Variants in TEKTL1 observed in about 807,000 individuals in gnomAD.
The protein encoded by TEKTL1 is tektin like 1, also known as tektin-like protein 1.
chr19:15,013,618 ATC>A, the TEKTL1 span: 2 of 1,354,776 alleles, frequency 1.5e-6, no homozygotes, highest in Non-Finnish European at 2.1e-6. Context: ...GGAAAGAGGA[ATC>A]TCTTCCCAGC....
chr19:15,016,313 C>G, the TEKTL1 span, among the ~76,000 whole-genome samples: 4 of 151,770 alleles, frequency 2.6e-5, no homozygotes, highest in Non-Finnish European at 1.5e-5. Flanking sequence ...CCTCAGCCTC[C>G]CGAGTAGCTG....
chr19:15,019,270 A>G, the TEKTL1 span, among the ~76,000 whole-genome samples: 235 of 152,252 alleles, frequency 1.5e-3, no homozygotes, highest in Non-Finnish European at 2.7e-3. Flanking sequence ...ATTTTTTCAC[A>G]GTGTGTTTAT....
At chr19:15,020,879 C>CTTT in the TEKTL1 span, among the ~76,000 whole-genome samples, 1,753 of 144,820 alleles carry the variant, frequency 0.012, 11 homozygotes, top group Middle Eastern at 0.025. Context: ...ACAGGCTCTG[C>CTTT]TTTTTTTTTT....
the TEKTL1 span, among the ~76,000 whole-genome samples, chr19:15,016,427 A>AC: frequency 0.76 from 115,804 of 151,724 alleles, 44,307 homozygotes; most frequent in Admixed American, 0.8. Flanking sequence ...TGACCTCGTG[A>AC]CCACCTGCCT....
chr19:15,012,773 G>A, the TEKTL1 span, among the ~76,000 whole-genome samples: 1 of 151,892 alleles, frequency 6.6e-6, no homozygotes, highest in South Asian at 2.1e-4. Context: ...ACAGCCCTCA[G>A]CCCAGGCATA....
chr19:15,016,753 C>T, the TEKTL1 span, among the ~76,000 whole-genome samples: 1 of 152,186 alleles, frequency 6.6e-6, no homozygotes, highest in African/African-American at 2.4e-5. Context: ...GCCTTGTGTG[C>T]TGTGCAGTTT....
chr19:15,016,530 C>T, the TEKTL1 span, among the ~76,000 whole-genome samples: 5 of 152,180 alleles, frequency 3.3e-5, no homozygotes, highest in African/African-American at 9.7e-5. Context: ...CCACCTGGCA[C>T]ATCGCCTGGC....
At chr19:15,015,720 G>A in the TEKTL1 span, among the ~76,000 whole-genome samples, 1 of 148,276 alleles carries the variant, frequency 6.7e-6, no homozygotes, top group Non-Finnish European at 1.5e-5. Flanking sequence ...GAAGGAAGGA[G>A]GGAAGGAACA....
chr19:15,022,826 T>A, the TEKTL1 span: 1 of 1,533,004 alleles, frequency 6.5e-7, no homozygotes, highest in Non-Finnish European at 8.8e-7. Context: ...CCACGCCAGG[T>A]AGCCATCTGC....
At chr19:15,020,567 G>A in the TEKTL1 span, 16 of 1,613,912 alleles carry the variant, frequency 9.9e-6, no homozygotes, top group East Asian at 1.1e-4. Context: ...CAGGCCAGAC[G>A]CCACTCATGG....
chr19:15,012,150 A>G, the TEKTL1 span, among the ~76,000 whole-genome samples: 1 of 152,048 alleles, frequency 6.6e-6, no homozygotes, highest in Middle Eastern at 3.4e-3. Context: ...GGTCCCAGCT[A>G]CTTGGAGGCT....
chr19:15,015,894 C>T, the TEKTL1 span, among the ~76,000 whole-genome samples: 1 of 152,174 alleles, frequency 6.6e-6, no homozygotes, highest in African/African-American at 2.4e-5. Context: ...CTACATGCCC[C>T]TCTAGATACC....
chr19:15,020,734 C>T, the TEKTL1 span: 1 of 1,273,626 alleles, frequency 7.9e-7, no homozygotes, highest in African/African-American at 1.5e-5. Context: ...CCGTCGCCCA[C>T]TTAGCTGTCC....
chr19:15,021,836 G>T, the TEKTL1 span: 1 of 1,614,056 alleles, frequency 6.2e-7, no homozygotes, highest in African/African-American at 1.3e-5. Context: ...CCTGGAGACC[G>T]CAGAAAAGCT....
chr19:15,014,730 GC>G, the TEKTL1 span, among the ~76,000 whole-genome samples: 9 of 125,206 alleles, frequency 7.2e-5, no homozygotes, highest in African/African-American at 2.8e-4. Flanking sequence ...CAGTGGGGGG[GC>G]GGGGGGCGGG....
the TEKTL1 span, among the ~76,000 whole-genome samples, chr19:15,022,381 T>A: frequency 6.6e-6 from 1 of 152,016 alleles, no homozygotes; most frequent in Admixed American, 6.6e-5. Flanking sequence ...CAGGCTGGAG[T>A]GCAGTGGTGC....
At chr19:15,021,383 G>A in the TEKTL1 span, 11 of 1,614,104 alleles carry the variant, frequency 6.8e-6, no homozygotes, top group African/African-American at 9.3e-5. Context: ...GAAGCCAAGC[G>A]GTTGTTGGTC....
At chr19:15,015,547 T>C in the TEKTL1 span, among the ~76,000 whole-genome samples, 200 of 152,080 alleles carry the variant, frequency 1.3e-3, no homozygotes, top group African/African-American at 4.7e-3. Context: ...CTTCCACCCT[T>C]CTCCTGCACC....
the TEKTL1 span, chr19:15,020,555 A>T: frequency 6.2e-7 from 1 of 1,613,804 alleles, no homozygotes; most frequent in African/African-American, 1.3e-5. Flanking sequence ...AAGGTTCTGG[A>T]GCAGGCCAGA....
Sources: gnomAD v4.1 joint callset for allele counts (sites outside exome capture counted in the v4.1 genomes callset) on GRCh38, gnomAD v4.1.1 for gene constraint, MANE v1.5 for transcripts, NCBI Gene and HGNC (gene_info 2026-07-23, HGNC 2026-07-21) for gene names.